Variants in STARD8 observed in about 807,000 individuals in gnomAD.
STARD8 encodes stAR-related lipid transfer protein 8.
Under a neutral mutation model 69.4 loss-of-function variants are expected in STARD8, and 25 were observed. The ratio of observed to expected loss-of-function variants is 0.36; its 90% CI spans 0.26 to 0.50. The LOEUF is 0.50. STARD8 is among the 20% of genes least tolerant of loss of function. The probability of loss-of-function intolerance (pLI) is 0.96; values close to 1 mark genes in which losing one functional copy is unlikely to be tolerated. For synonymous variants in STARD8, 389 were observed against 374.6 expected, an observed-to-expected ratio of 1.04 and a Z score of -0.45; for missense variants, 921 against 932.5, an observed-to-expected ratio of 0.99 and a Z score of 0.16.
rs773177164 is a variant in STARD8 at position 68,722,415 on chromosome X, C to G, written c.2575-7C>G. The stretch of plus-strand genomic sequence containing the variant: ...AGCTGCAGCCCATTGTGTGTGTGCC[C>G]TCTCAGGTGCCCCAGGACATGGTGC... On this transcript the variant is annotated splice_polypyrimidine_tract_variant and splice_region_variant and intron_variant, in intron 11 of 14. Transcript: ENST00000374599. 8.4e-7 allele frequency: 1 copy of G among 1,187,417 alleles called. No individual in the cohort carries two copies. Among genetic ancestry groups the G allele is most frequent in the Admixed American group, 2.3e-5 (1 of 43,385 alleles).
Position 68,653,612 on chromosome X carries a change from C to CCA in STARD8, c.45+5699_45+5700dup, listed in dbSNP as rs770290393. Among the ~76,000 whole-genome samples the CCA allele has an allele frequency of 6.6e-3, 320 of 48,659 alleles. 3 individuals carry two copies. The highest frequency in any genetic ancestry group is 0.023 in the African/African-American group (305 of 13,012). The allele number at this position is 48,659 out of a possible 115,157, so 42.3% of individuals were successfully genotyped here. On this transcript the variant is annotated intron_variant, in intron 1 of 14. Transcript: ENST00000374599. ...ACACCACACAAGCACACACACCCCA[C>CCA]CACACACACACACACCCCACACACC...
Position 68,721,574 on chromosome X carries a change from G to T in STARD8, c.2287G>T (p.Ala763Ser), listed in dbSNP as rs778278900. 8.3e-7 allele frequency: 1 copy of T among 1,210,337 alleles called. No homozygotes were observed. Among genetic ancestry groups the T allele is most frequent in the African/African-American group, 1.7e-5 (1 of 57,250 alleles). The part of the protein sequence containing the change: ...KDQWLAAAQA[A>S]TLLLPDENRE... The stretch of plus-strand genomic sequence containing the variant: ...TCAGTGGTTGGCAGCAGCACAAGCC[G>T]CCACCTTGCTGCTCCCCGATGAGAA... Residue 763 changes from alanine to serine, a missense_variant, in exon 10 of 15, where the codon GCC becomes TCC. By Grantham distance (99) the Ala-to-Ser change is moderately conservative. Transcript: ENST00000374599.
At chrX:68,651,585 A>C (rs957376303) in intron 1 of STARD8, among the ~76,000 whole-genome samples, 4 of 111,169 alleles carry the variant, frequency 3.6e-5, no homozygotes, top group Non-Finnish European at 7.6e-5. Flanking sequence ...GGGCCCTCTC[A>C]GATCATCTTA....
intron 1 of STARD8, among the ~76,000 whole-genome samples, chrX:68,658,044 T>A (rs2079621497): frequency 9.0e-6 from 1 of 110,985 alleles, no homozygotes; most frequent in Admixed American, 9.6e-5. Context: ...TGGAAGAGGC[T>A]GCAGATTGGC....
intron 2 of STARD8, among the ~76,000 whole-genome samples, chrX:68,689,365 G>A (rs747109950): frequency 9.0e-6 from 1 of 111,594 alleles, no homozygotes; most frequent in East Asian, 2.8e-4. Flanking sequence ...AGTAAGGTCA[G>A]TCCGGAGACC....
chrX:68,663,383 G>C (rs779509765), intron 1 of STARD8, among the ~76,000 whole-genome samples: 59 of 111,890 alleles, frequency 5.3e-4, no homozygotes, highest in African/African-American at 1.8e-3. Flanking sequence ...CCTTGACCTT[G>C]AGCAAATCAT....
At chrX:68,675,210 G>A (rs2079758172) in intron 2 of STARD8, among the ~76,000 whole-genome samples, 2 of 109,390 alleles carry the variant, frequency 1.8e-5, no homozygotes, top group Admixed American at 9.7e-5. Flanking sequence ...CGCCTGCCTC[G>A]GCCTCCCAAA....
chrX:68,687,944 G>A (rs771634544), intron 2 of STARD8, among the ~76,000 whole-genome samples: 189 of 112,771 alleles, frequency 1.7e-3, no homozygotes, highest in Non-Finnish European at 3.0e-3. Flanking sequence ...CAGGAAGGCA[G>A]GTACCCAGGC....
rs755526720 is a variant in STARD8, at chrX:68,724,400, C to CG, written c.3293dup (p.Glu1100Ter). ...GACTCCTTCCCCACCCTGCAGGCAG[C>CG]GGGCCCTGAGACAAAGCTGTGAGCC... is the stretch of plus-strand genomic sequence containing the variant. On this transcript the variant is annotated frameshift_variant, in exon 15 of 15. Transcript: ENST00000374599. LOFTEE classifies it high-confidence loss of function. The CG allele has an allele frequency of 8.3e-7, 1 of 1,203,499 alleles. No individual in the cohort carries two copies. Among genetic ancestry groups the CG allele is most frequent in the Non-Finnish European group, 1.1e-6 (1 of 891,092 alleles).
At chrX:68,698,002 T>A (rs1475790811) in intron 2 of STARD8, among the ~76,000 whole-genome samples, 2 of 112,272 alleles carry the variant, frequency 1.8e-5, no homozygotes, top group African/African-American at 6.5e-5. Context: ...CCTTGGAAAG[T>A]CATCTCTAGG....
chrX:68,709,261 C>G (rs1210376614), intron 2 of STARD8, among the ~76,000 whole-genome samples: 1 of 112,448 alleles, frequency 8.9e-6, no homozygotes, highest in African/African-American at 3.2e-5. Flanking sequence ...GGAGCAATTG[C>G]AGCCTCTTTG....
intron 2 of STARD8, among the ~76,000 whole-genome samples, chrX:68,691,898 A>C (rs745958197): frequency 5.3e-5 from 6 of 112,727 alleles, no homozygotes; most frequent in Non-Finnish European, 9.4e-5. Context: ...TGTGCTTTGA[A>C]TATCTTTCAA....
intron 3 of STARD8, among the ~76,000 whole-genome samples, chrX:68,713,738 A>G (rs1052635815): frequency 3.3e-4 from 37 of 111,193 alleles, no homozygotes; most frequent in African/African-American, 1.2e-3. Flanking sequence ...CTCTCTCAAC[A>G]TTTCTTTCTC....
chrX:68,718,627 C>T lies in STARD8; in HGVS notation c.1713C>T (p.Cys571=). The T allele has an allele frequency of 8.4e-7, 1 of 1,190,167 alleles. No individual in the cohort carries two copies. The highest frequency in any genetic ancestry group is 1.1e-6 in the Non-Finnish European group (1 of 884,582). ...TTGGGGCCTCACTTACCAGACCCTG[C>T]AGGTGAGAGTTTGGGTTGGGATGGG... ...SGVGASLTRP[C]RKLRWHSFQN... The change falls in exon 6 of 15, where the codon TGC becomes TGT. Residue 571 remains cysteine (C), a splice_region_variant and synonymous_variant. Transcript: ENST00000374599.
intron 1 of STARD8, among the ~76,000 whole-genome samples, chrX:68,653,028 A>C (rs2079568603): frequency 3.7e-5 from 1 of 26,690 alleles, no homozygotes; most frequent in Non-Finnish European, 6.9e-5. Context: ...CACACACCCC[A>C]CACACCACAC....
chrX:68,672,514 A>C (rs1269616773), intron 2 of STARD8, among the ~76,000 whole-genome samples: 1 of 111,826 alleles, frequency 8.9e-6, no homozygotes, highest in Non-Finnish European at 1.9e-5. Flanking sequence ...CTCCTGACTG[A>C]CAGTGACCAA....
chrX:68,699,314 C>T (rs774920837), intron 2 of STARD8, among the ~76,000 whole-genome samples: 44 of 112,658 alleles, frequency 3.9e-4, no homozygotes, highest in African/African-American at 1.4e-3. Context: ...AACTTTCCTT[C>T]TGAAGCTTGG....
At chrX:68,693,754 C>T (rs1470347575) in intron 2 of STARD8, 1 of 753,914 alleles carries the variant, frequency 1.3e-6, no homozygotes, top group African/African-American at 2.3e-5. Flanking sequence ...CGGAGCAGTC[C>T]CTCCTGGGCT....
chrX:68,699,888 G>A (rs1458092001), intron 2 of STARD8, among the ~76,000 whole-genome samples: 1 of 112,080 alleles, frequency 8.9e-6, no homozygotes, highest in Non-Finnish European at 1.9e-5. Context: ...CAGCTCTCAC[G>A]ATTGGAGAGC....
Sources: allele counts gnomAD v4.1 joint callset (sites outside exome capture counted in the v4.1 genomes callset), GRCh38; gene constraint gnomAD v4.1.1; transcripts MANE v1.5; gene names NCBI Gene and HGNC (gene_info 2026-07-23, HGNC 2026-07-21).